NRXN3: variants seen among roughly 807,000 people sequenced by gnomAD.
NRXN3 encodes the protein neurexin III.
Under a neutral mutation model 137.6 loss-of-function variants are expected in NRXN3, and 32 were observed. The observed-to-expected ratio is 0.23, with a 90% CI of 0.18 to 0.31. The LOEUF is 0.31. Ranked by LOEUF, NRXN3 falls within the 10% of genes least tolerant of loss-of-function variation. The pLI is 1.00. For synonymous variants in NRXN3, 798 were observed against 784.5 expected (o/e 1.02, Z -0.29); for missense variants, 1,574 against 2,062.5 (o/e 0.76, Z 4.59).
chr14:79,218,660 T>A (rs1313335921), intron 15 of NRXN3, among the ~76,000 whole-genome samples: 1 of 152,142 alleles, frequency 6.6e-6, no homozygotes, highest in African/African-American at 2.4e-5. Flanking sequence ...GACAAGCACA[T>A]CTAAGTCAGA....
At chr14:79,085,454 A>G (rs1419823108) in intron 15 of NRXN3, among the ~76,000 whole-genome samples, 1 of 152,176 alleles carries the variant, frequency 6.6e-6, no homozygotes, top group African/African-American at 2.4e-5. Context: ...GAACGTGCCC[A>G]TTTTATTTTT....
At chr14:79,303,186 G>C (rs542966662) in intron 15 of NRXN3, among the ~76,000 whole-genome samples, 24 of 152,116 alleles carry the variant, frequency 1.6e-4, no homozygotes, top group African/African-American at 5.3e-4. Flanking sequence ...CCCTTTACAA[G>C]CAGTATAAAG....
At chr14:79,396,580 G>A (rs1448319609) in intron 15 of NRXN3, among the ~76,000 whole-genome samples, 3 of 152,058 alleles carry the variant, frequency 2.0e-5, no homozygotes, top group Non-Finnish European at 4.4e-5. Context: ...TGTACAGGTA[G>A]GAATGAGGAA....
chr14:78,517,783 T>C (rs75673196), intron 4 of NRXN3, among the ~76,000 whole-genome samples: 3,963 of 152,282 alleles, frequency 0.026, 71 homozygotes, highest in Non-Finnish European at 0.039. Context: ...AAAAATCAAA[T>C]TTTTACCTTT....
chr14:78,486,221 G>A (rs1404986081), intron 4 of NRXN3, among the ~76,000 whole-genome samples: 6 of 152,138 alleles, frequency 3.9e-5, no homozygotes, highest in African/African-American at 1.4e-4. Context: ...ATGTAAGCCT[G>A]GATGAATGAC....
chr14:79,484,630 C>A (rs982663962), intron 16 of NRXN3, among the ~76,000 whole-genome samples: 1 of 152,148 alleles, frequency 6.6e-6, no homozygotes, highest in Admixed American at 6.5e-5. Context: ...ATCTGCCTGA[C>A]CCCTGGAGAC....
intron 15 of NRXN3, among the ~76,000 whole-genome samples, chr14:79,179,652 G>C (rs1440984106): frequency 1.3e-5 from 2 of 152,254 alleles, no homozygotes; most frequent in African/African-American, 4.8e-5. Flanking sequence ...GGCAGGACTG[G>C]GTGGAGAAAA....
intron 16 of NRXN3, among the ~76,000 whole-genome samples, chr14:79,622,364 G>A (rs2098233638): frequency 6.6e-6 from 1 of 152,044 alleles, no homozygotes; most frequent in African/African-American, 2.4e-5. Flanking sequence ...CTTCATAGGT[G>A]GTTTATATAA....
chr14:78,957,445 C>G, intron 11 of NRXN3, 84 bp downstream of exon 11: 1 of 1,475,030 alleles, frequency 6.8e-7, no homozygotes, highest in East Asian at 2.4e-5. Flanking sequence ...TTTGCAAAAC[C>G]TTTTATTTTG....
intron 16 of NRXN3, among the ~76,000 whole-genome samples, chr14:79,492,298 A>C (rs1186329380): frequency 1.3e-5 from 2 of 152,196 alleles, no homozygotes; most frequent in Non-Finnish European, 2.9e-5. Flanking sequence ...TAAATTTGTC[A>C]ATAGGTCCCT....
At chr14:79,282,174 T>C (rs1020591036) in intron 15 of NRXN3, among the ~76,000 whole-genome samples, 1 of 151,254 alleles carries the variant, frequency 6.6e-6, no homozygotes. Context: ...AGCAATTTCA[T>C]TGACATGGAA....
chr14:78,190,640 TTTATTTATTTATTTAC>T (rs1269898975), intron 1 of NRXN3, among the ~76,000 whole-genome samples: 1,431 of 50,784 alleles, frequency 0.028, 17 homozygotes, highest in African/African-American at 0.11. Context: ...TATTTATTTA[TTTATTTATTTATTTAC>T]TTACTTACTT....
intron 4 of NRXN3, among the ~76,000 whole-genome samples, chr14:78,466,127 G>T (rs567665752): frequency 6.6e-6 from 1 of 152,052 alleles, no homozygotes; most frequent in Non-Finnish European, 1.5e-5. Flanking sequence ...TGCTGGGAAG[G>T]TTTCTTCCTT....
chr14:79,477,594 T>G (rs1600869394), intron 16 of NRXN3, among the ~76,000 whole-genome samples: 1 of 152,136 alleles, frequency 6.6e-6, no homozygotes, highest in Non-Finnish European at 1.5e-5. Context: ...AATGATCGAT[T>G]GTTTCTGAAA....
intron 3 of NRXN3, among the ~76,000 whole-genome samples, chr14:78,289,727 A>G (rs2075599166): frequency 6.6e-6 from 1 of 152,056 alleles, no homozygotes; most frequent in Non-Finnish European, 1.5e-5. Context: ...CGTCCTGGCC[A>G]ACATGGTTAA....
chr14:78,187,781 G>GTTTTTTTTTTTTT (rs58649555), intron 1 of NRXN3, among the ~76,000 whole-genome samples: 1 of 133,740 alleles, frequency 7.5e-6, no homozygotes, highest in African/African-American at 2.8e-5. Flanking sequence ...GATTTTAGTT[G>GTTTTTTTTTTTTT]TTTTTTTTTT....
chr14:79,549,665 A>G (rs1359670595), intron 16 of NRXN3, among the ~76,000 whole-genome samples: 1 of 152,122 alleles, frequency 6.6e-6, no homozygotes, highest in East Asian at 1.9e-4. Context: ...ATCCACAGCC[A>G]CATTCACCAT....
chr14:79,664,870 G>A (rs181175576), intron 17 of NRXN3, among the ~76,000 whole-genome samples: 1 of 152,178 alleles, frequency 6.6e-6, no homozygotes, highest in African/African-American at 2.4e-5. Context: ...TCACTAATGT[G>A]GGCATGAAGT....
intron 15 of NRXN3, among the ~76,000 whole-genome samples, chr14:79,289,595 G>C (rs2082832258): frequency 6.6e-6 from 1 of 152,110 alleles, no homozygotes; most frequent in South Asian, 2.1e-4. Flanking sequence ...ACTCCAGCCT[G>C]GGTGATGAGA....
Sources: gnomAD v4.1 joint callset for allele counts (sites outside exome capture counted in the v4.1 genomes callset) on GRCh38, gnomAD v4.1.1 for gene constraint, MANE v1.5 for transcripts, NCBI Gene and HGNC (gene_info 2026-07-23, HGNC 2026-07-21) for gene names.